The following SEC16B variants were observed in gnomAD, a reference collection of about 807,000 sequenced individuals.
SEC16B encodes the protein SEC16 homolog B, endoplasmic reticulum export factor.
A neutral mutation model predicts 141.8 loss-of-function variants in SEC16B; 115 were observed. That is an observed-to-expected ratio of 0.81 (90% CI 0.70 to 0.95). The LOEUF (loss-of-function observed/expected upper bound fraction) is 0.95. SEC16B is among the 40% of genes least tolerant of loss of function. The pLI, the probability that SEC16B is intolerant of heterozygous loss-of-function variation, is 0.00. For synonymous variants in SEC16B, 493 were observed against 492.5 expected (o/e 1.00, Z -0.01); for missense variants, 1,291 against 1,312.3 (o/e 0.98, Z 0.25).
intron 1 of SEC16B, among the ~76,000 whole-genome samples, chr1:177,978,772 C>T (rs923519902): frequency 6.6e-6 from 1 of 151,796 alleles, no homozygotes; most frequent in African/African-American, 2.4e-5. Flanking sequence ...CATTTCTAGG[C>T]TGTTCAGAGT....
At position 177,951,934 on chromosome 1, in the gene SEC16B, TC is replaced by T. The variant is rs1652221139; in HGVS notation, c.1524del (p.Arg509GlyfsTer23). The T allele has an allele frequency of 1.9e-6, 3 of 1,605,882 alleles. No homozygotes were observed. Among genetic ancestry groups the T allele is most frequent in the Admixed American group, 1.7e-5 (1 of 59,082 alleles). On this transcript the variant is annotated frameshift_variant, in exon 12 of 26. Coordinates refer to ENST00000308284, the MANE Select transcript of SEC16B (RefSeq NM_033127.4). LOFTEE classifies it high-confidence loss of function. ...GGTACCGTGGCTGCCTGTGGAATCC[TC>T]CCCGACATGAGCTGGAAGAGGGTCT... ...PLQTLFQLMS[G>X]RIPQAATCCG...
Position 177,937,366 on chromosome 1 carries a change from G to T in SEC16B, c.2351C>A (p.Pro784Gln), listed in dbSNP as rs759724829. The T allele has an allele frequency of 3.5e-5, 57 of 1,613,374 alleles. No individual in the cohort carries two copies. Among genetic ancestry groups the T allele is most frequent in the Non-Finnish European group, 4.6e-5 (54 of 1,179,712 alleles). ...QPFPLQPGSY[P>Q]AGGGAGQTGT... The stretch of plus-strand genomic sequence containing the variant: ...TGTCTGCCCTGCACCCCCTCCTGCT[G>T]GGTAGGAGCCCGGCTGGAGGGGAAA... The change falls in exon 19 of 26, where the codon CCA becomes CAA. Residue 784 changes from proline to glutamine, a missense_variant. Transcript: ENST00000308284.
intron 5 of SEC16B, among the ~76,000 whole-genome samples, chr1:177,962,705 T>G (rs532144788): frequency 2.6e-5 from 4 of 152,062 alleles, no homozygotes; most frequent in South Asian, 4.2e-4. Flanking sequence ...ATGATCATGC[T>G]GTTACACTCC....
intron 9 of SEC16B, 111 bp downstream of exon 9, chr1:177,958,729 G>A: frequency 1.5e-6 from 2 of 1,362,118 alleles, no homozygotes; most frequent in Non-Finnish European, 2.0e-6. Flanking sequence ...GGGGCAATTT[G>A]TGGCTTCTTT....
At chr1:177,970,378 G>C (rs555141159), upstream of SEC16B, among the ~76,000 whole-genome samples, 2 of 152,172 alleles carry the variant, frequency 1.3e-5, no homozygotes, top group Non-Finnish European at 2.9e-5. Context: ...CTTTAAAATG[G>C]GAATGGCAAT....
intron 8 of SEC16B, 181 bp downstream of exon 8, chr1:177,960,160 TG>T (rs111481756): frequency 0.024 from 14,071 of 587,118 alleles, 340 homozygotes; most frequent in East Asian, 0.084. Flanking sequence ...AACTATTGAA[TG>T]GCTTGTCAAA....
rs372870436 is a variant in SEC16B at position 177,967,695 on chromosome 1, T to A, written c.287A>T (p.Gln96Leu). 1 of 1,600,502 alleles carries A rather than the reference T, an allele frequency of 6.2e-7. No homozygotes were observed. Among genetic ancestry groups the A allele is most frequent in the African/African-American group, 1.3e-5 (1 of 74,658 alleles). Residue 96 changes from glutamine to leucine, a missense_variant, in exon 2 of 26, where the codon CAG becomes CTG. Physicochemically the swap from Gln to Leu is moderately radical, Grantham distance 113. This residue lies in a region of SEC16B where 681 missense variants were observed against 675.5 expected (regional missense o/e 1.01). Coordinates refer to ENST00000308284, the MANE Select transcript of SEC16B (RefSeq NM_033127.4). ...VDYYEGGYRN[Q>L]LYSRPGYENS... ...CCTAAAGCCATACCTTGAATACAAC[T>A]GATTGCGATAACCACCTTCGTAATA...
At chr1:177,958,404 C>A in intron 9 of SEC16B, 42 bp from the exon 10 acceptor site, 1 of 1,459,506 alleles carries the variant, frequency 6.9e-7, no homozygotes, top group South Asian at 1.5e-5. Flanking sequence ...TCCTATGAGT[C>A]CTCAGGCTGG....
intron 1 of SEC16B, among the ~76,000 whole-genome samples, chr1:177,978,396 G>A (rs757148341): frequency 7.2e-5 from 11 of 152,098 alleles, no homozygotes; most frequent in African/African-American, 2.2e-4. Flanking sequence ...TGGTATCAAC[G>A]TTGTTTAAAA....
rs771272288 is a variant in SEC16B, at chr1:177,937,353, AC to A, written c.2363del (p.Gly788ValfsTer28). 3 of 1,613,022 alleles carry A rather than the reference AC, an allele frequency of 1.9e-6. No individual in the cohort carries two copies. Among genetic ancestry groups the A allele is most frequent in the Middle Eastern group, 3.3e-4 (2 of 6,006 alleles). On this transcript the variant is annotated frameshift_variant, in exon 19 of 26. Transcript: ENST00000308284. LOFTEE classifies it high-confidence loss of function. ...GCCTCGGTGTCCCTGTCTGCCCTGC[AC>A]CCCCTCCTGCTGGGTAGGAGCCCGG... ...LQPGSYPAGG[G>X]AGQTGTPRPF... is the part of the protein sequence containing the mutation.
In SEC16B at chr1:177,932,693, G is replaced by A. The variant is rs369117372; in HGVS notation, c.2932+5C>T. ...CATGGCCCAGAGGACGTGAGGTGAC[G>A]GTACCTCTGCCCCTGGAGAAGGCAC... On this transcript the variant is annotated splice_donor_5th_base_variant and intron_variant, in intron 23 of 25. Coordinates refer to ENST00000308284, the MANE Select transcript of SEC16B (RefSeq NM_033127.4). The A allele has an allele frequency of 1.1e-5, 18 of 1,573,882 alleles. No individual in the cohort carries two copies. The highest frequency in any genetic ancestry group is 1.6e-5 in the Non-Finnish European group (18 of 1,160,996).
intron 11 of SEC16B, 35 bp from the exon 12 acceptor site, chr1:177,952,030 C>T: frequency 3.9e-6 from 6 of 1,550,736 alleles, no homozygotes; most frequent in Non-Finnish European, 4.4e-6. Context: ...AGGACCAAGC[C>T]CAGGGAACCT....
chr1:177,936,557 T>C (rs1650859565), intron 19 of SEC16B, among the ~76,000 whole-genome samples, 192 bp from the exon 20 acceptor site: 1 of 152,144 alleles, frequency 6.6e-6, no homozygotes, highest in Non-Finnish European at 1.5e-5. Context: ...CCCCAGGACA[T>C]GCTGTTCAAC....
At chr1:177,942,488 C>T (rs539347094) in intron 15 of SEC16B, among the ~76,000 whole-genome samples, 1 of 152,032 alleles carries the variant, frequency 6.6e-6, no homozygotes, top group Non-Finnish European at 1.5e-5. Context: ...GCCAACATGA[C>T]AAAACTCCGT....
chr1:177,934,425 AC>A (rs1383446979), intron 20 of SEC16B, among the ~76,000 whole-genome samples: 3 of 152,110 alleles, frequency 2.0e-5, no homozygotes, highest in Non-Finnish European at 2.9e-5. Flanking sequence ...TACATTTTTT[AC>A]TCTCAATAGA....
At chr1:177,930,670 C>A in intron 24 of SEC16B, 27 bp from the exon 25 acceptor site, 1 of 1,543,856 alleles carries the variant, frequency 6.5e-7, no homozygotes, top group South Asian at 1.1e-5. Flanking sequence ...TGGAAAATCC[C>A]ATCAGTGCCT....
chr1:177,964,715 T>C (rs1288801431), intron 4 of SEC16B, among the ~76,000 whole-genome samples: 1 of 152,216 alleles, frequency 6.6e-6, no homozygotes, highest in African/African-American at 2.4e-5. Flanking sequence ...TAAGTTCTCA[T>C]GACCTAATCG....
chr1:177,979,772 C>T (rs1040656822), intron 1 of SEC16B, among the ~76,000 whole-genome samples: 5 of 152,198 alleles, frequency 3.3e-5, no homozygotes, highest in Non-Finnish European at 5.9e-5. Flanking sequence ...CAAGGAGGAG[C>T]AAGTCACATC....
At chr1:177,932,010 G>A (rs1466946234) in intron 24 of SEC16B, among the ~76,000 whole-genome samples, 1 of 151,978 alleles carries the variant, frequency 6.6e-6, no homozygotes, top group Non-Finnish European at 1.5e-5. Flanking sequence ...ACGTGTTGAA[G>A]CCCTAACCCC....
Sources: allele counts gnomAD v4.1 joint callset (sites outside exome capture counted in the v4.1 genomes callset), GRCh38; gene constraint gnomAD v4.1.1; regional missense constraint gnomAD v4.1.1; transcripts MANE v1.5; gene names NCBI Gene and HGNC (gene_info 2026-07-23, HGNC 2026-07-21).